GAB1: variants seen among roughly 807,000 people sequenced by gnomAD.
GAB1 encodes the protein GRB2 associated binding protein 1.
A neutral mutation model predicts 66.5 loss-of-function variants in GAB1; 19 were observed. The ratio of observed to expected loss-of-function variants is 0.29; its 90% CI spans 0.20 to 0.42. The LOEUF is 0.42. GAB1 is among the 10% of genes least tolerant of loss of function. The pLI is 1.00. For synonymous variants in GAB1, 294 were observed against 301.4 expected, an observed-to-expected ratio of 0.98 and a Z score of 0.25; for missense variants, 732 against 858.5, an observed-to-expected ratio of 0.85 and a Z score of 1.84.
At chr4:143,372,136 C>T (rs1214285643) in intron 1 of GAB1, among the ~76,000 whole-genome samples, 1 of 151,758 alleles carries the variant, frequency 6.6e-6, no homozygotes, top group African/African-American at 2.4e-5. Context: ...ACCAGCCTGG[C>T]CAACATGGTG....
At chr4:143,379,551 T>A (rs1730568522) in intron 1 of GAB1, among the ~76,000 whole-genome samples, 1 of 152,162 alleles carries the variant, frequency 6.6e-6, no homozygotes, top group African/African-American at 2.4e-5. Context: ...CAGCCACCTC[T>A]GATTCCCTTC....
intron 1 of GAB1, among the ~76,000 whole-genome samples, chr4:143,396,671 T>C (rs2149693895): frequency 6.6e-6 from 1 of 152,340 alleles, no homozygotes; most frequent in South Asian, 2.1e-4. Context: ...AGTGTCCTGA[T>C]AAGAGACTGG....
chr4:143,392,962 G>A (rs1731255348), intron 1 of GAB1, among the ~76,000 whole-genome samples: 1 of 151,908 alleles, frequency 6.6e-6, no homozygotes, highest in African/African-American at 2.4e-5. Context: ...TCATGTCTAT[G>A]GGCTATATTT....
chr4:143,434,824 C>T (rs1432352458), intron 3 of GAB1, among the ~76,000 whole-genome samples: 2 of 152,062 alleles, frequency 1.3e-5, no homozygotes, highest in Admixed American at 1.3e-4. Context: ...CTCCTTGTTA[C>T]TTGATGTTGA....
At chr4:143,412,642 A>G (rs1318453084) in intron 1 of GAB1, among the ~76,000 whole-genome samples, 1 of 152,216 alleles carries the variant, frequency 6.6e-6, no homozygotes, top group Non-Finnish European at 1.5e-5. Context: ...CTCTAAAACT[A>G]TGCTATTAGT....
At chr4:143,448,704 G>A (rs1353484597) in intron 6 of GAB1, among the ~76,000 whole-genome samples, 2 of 151,576 alleles carry the variant, frequency 1.3e-5, no homozygotes, top group African/African-American at 2.4e-5. Flanking sequence ...AGTCTTTCTA[G>A]CAGTCTATCA....
At chr4:143,359,258 T>A (rs552846674) in intron 1 of GAB1, among the ~76,000 whole-genome samples, 1 of 152,176 alleles carries the variant, frequency 6.6e-6, no homozygotes, top group East Asian at 1.9e-4. Context: ...GACCCCCTCA[T>A]CCAGATGAGA....
At chr4:143,403,391 G>A (rs1406724060) in intron 1 of GAB1, among the ~76,000 whole-genome samples, 3 of 152,162 alleles carry the variant, frequency 2.0e-5, no homozygotes, top group Non-Finnish European at 2.9e-5. Context: ...ATGAGGCTTG[G>A]GTAGTGTAGA....
At chr4:143,404,979 C>T (rs1272496230) in intron 1 of GAB1, among the ~76,000 whole-genome samples, 3 of 152,104 alleles carry the variant, frequency 2.0e-5, no homozygotes, top group Non-Finnish European at 4.4e-5. Flanking sequence ...TAGAATTTGC[C>T]TCTGTGCAGG....
At chr4:143,339,561 A>G (rs1331982562) in intron 1 of GAB1, among the ~76,000 whole-genome samples, 1 of 152,114 alleles carries the variant, frequency 6.6e-6, no homozygotes, top group Non-Finnish European at 1.5e-5. Flanking sequence ...ACTTTTCCTG[A>G]CTCTGAATAT....
At chr4:143,387,376 C>T (rs935953887) in intron 1 of GAB1, among the ~76,000 whole-genome samples, 2 of 152,184 alleles carry the variant, frequency 1.3e-5, no homozygotes, top group Non-Finnish European at 2.9e-5. Flanking sequence ...GGTGATCCAC[C>T]TGCCTTGGAC....
chr4:143,429,041 G>A (rs1439801640), intron 2 of GAB1, among the ~76,000 whole-genome samples: 2 of 152,128 alleles, frequency 1.3e-5, no homozygotes, highest in African/African-American at 4.8e-5. Flanking sequence ...GGAGTTGTTT[G>A]CAAAATAGAC....
chr4:143,473,747 A>C lies in GAB1; in HGVS notation c.*4558A>C, dbSNP rs1360087841. 6.6e-6 allele frequency: 1 copy of C among 152,198 alleles called. No individual in the cohort carries two copies. The highest frequency in any genetic ancestry group is 1.5e-5 in the Non-Finnish European group (1 of 68,032). 9.4% of individuals were successfully genotyped at this position (152,198 alleles called of 1,614,324 possible). A position where few individuals can be genotyped will look rare whatever the true frequency, so the allele number is the denominator to read the frequency against. On this transcript the variant is annotated 3_prime_UTR_variant, in exon 10 of 10. Transcript: ENST00000262994. ...GATTTTTCATTTCTATGAAAGTTTC[A>C]AACATCTCCAGTACTTTATAAAATC... is the stretch of plus-strand genomic sequence containing the variant.
At chr4:143,366,178 C>T (rs1454457807) in intron 1 of GAB1, among the ~76,000 whole-genome samples, 1 of 152,176 alleles carries the variant, frequency 6.6e-6, no homozygotes, top group Non-Finnish European at 1.5e-5. Context: ...CTCTGAAATT[C>T]AGTAATTCTG....
chr4:143,398,165 A>G (rs1156413789), intron 1 of GAB1, among the ~76,000 whole-genome samples: 1 of 152,238 alleles, frequency 6.6e-6, no homozygotes. Context: ...ATAAGCTGAT[A>G]CTATATACAT....
At chr4:143,445,035 C>T (rs1426210264) in intron 6 of GAB1, among the ~76,000 whole-genome samples, 1 of 152,148 alleles carries the variant, frequency 6.6e-6, no homozygotes, top group African/African-American at 2.4e-5. Context: ...CTATTGTAAA[C>T]ACTGCTGCAG....
intron 1 of GAB1, among the ~76,000 whole-genome samples, chr4:143,399,152 G>T (rs994397443): frequency 6.6e-6 from 1 of 152,198 alleles, no homozygotes; most frequent in Non-Finnish European, 1.5e-5. Flanking sequence ...AGTTATTCAC[G>T]TCTAGGACAT....
At chr4:143,343,028 T>A (rs1383335049) in intron 1 of GAB1, among the ~76,000 whole-genome samples, 1 of 152,154 alleles carries the variant, frequency 6.6e-6, no homozygotes, top group Admixed American at 6.5e-5. Context: ...TTAGTGGGGA[T>A]GTTTTGCTAT....
At chr4:143,339,327 A>G (rs544277684) in intron 1 of GAB1, among the ~76,000 whole-genome samples, 2 of 152,226 alleles carry the variant, frequency 1.3e-5, no homozygotes, top group Non-Finnish European at 2.9e-5. Context: ...CCTGGCCAAC[A>G]TGGCGAAACT....
Sources: allele counts gnomAD v4.1 joint callset (sites outside exome capture counted in the v4.1 genomes callset), GRCh38; gene constraint gnomAD v4.1.1; transcripts MANE v1.5; gene names NCBI Gene and HGNC (gene_info 2026-07-23, HGNC 2026-07-21).